The following CTSH variants were observed in gnomAD, a reference collection of about 807,000 sequenced individuals.
The protein encoded by CTSH is cathepsin H.
In CTSH, 52 loss-of-function variants were observed where a neutral mutation model predicts 56.3. The ratio of observed to expected loss-of-function variants is 0.92; its 90% confidence interval spans 0.74 to 1.16. The LOEUF (loss-of-function observed/expected upper bound fraction) is 1.16, where lower values mean the gene tolerates loss of function less well. CTSH is among the 50% of genes most tolerant of loss of function. The pLI is 0.00. For synonymous variants in CTSH, 174 were observed against 155.7 expected, an observed-to-expected ratio of 1.12 and a Z score of -0.88; for missense variants, 406 against 424.5, an observed-to-expected ratio of 0.96 and a Z score of 0.38.
At chr15:78,943,796 G>A (rs901102167) in intron 1 of CTSH, among the ~76,000 whole-genome samples, 12 of 152,354 alleles carry the variant, frequency 7.9e-5, no homozygotes, top group African/African-American at 2.6e-4. Flanking sequence ...CACAGAAAAA[G>A]TTTGCCAAGC....
At chr15:78,943,544 T>C (rs1216142875) in intron 1 of CTSH, among the ~76,000 whole-genome samples, 1 of 152,226 alleles carries the variant, frequency 6.6e-6, no homozygotes, top group Non-Finnish European at 1.5e-5. Flanking sequence ...ACTCCTGTTT[T>C]AGTACAGCTC....
Position 78,941,977 on chromosome 15 carries a change from G to A in CTSH, c.92-2806C>T, listed in dbSNP as rs139908745. Among the ~76,000 whole-genome samples the A allele has an allele frequency of 2.8e-3, 420 of 152,116 alleles. 1 individual carries two copies. The highest frequency in any genetic ancestry group is 5.2e-3 in the Non-Finnish European group (353 of 68,000). On this transcript the variant is annotated intron_variant, in intron 1 of 11. Transcript: ENST00000220166. Reference sequence around the variant, plus strand: ...AACAGTACTCTACTGCCCATCCCCCGCAATGGATTTATATTTTCATGAGTG... The same window carrying A: ...AACAGTACTCTACTGCCCATCCCCCACAATGGATTTATATTTTCATGAGTG...
intron 5 of CTSH, among the ~76,000 whole-genome samples, chr15:78,932,766 A>G (rs1356844702): frequency 6.6e-6 from 1 of 151,048 alleles, no homozygotes. Flanking sequence ...CCCAATCACC[A>G]CCTCTTGGTG....
chr15:78,922,290 G>T, intron 11 of CTSH, 85 bp from the exon 12 acceptor site: 1 of 1,074,566 alleles, frequency 9.3e-7, no homozygotes, highest in Non-Finnish European at 1.4e-6. Context: ...ACCAAGAGCT[G>T]ACTTCAGGGG....
intron 7 of CTSH, among the ~76,000 whole-genome samples, chr15:78,930,537 AAAATAAATAAATAAATAAAT>A (rs145707544): frequency 6.8e-6 from 1 of 147,484 alleles, no homozygotes; most frequent in Non-Finnish European, 1.5e-5. Context: ...AAAAAAAGAA[AAAATAAATAAATAAATAAAT>A]AAATAAATAA....
At chr15:78,937,071 G>A in intron 3 of CTSH, 2 of 478,068 alleles carry the variant, frequency 4.2e-6, no homozygotes, top group Non-Finnish European at 7.5e-6. Context: ...TGGCAGGAAT[G>A]GGGCAGGGGC....
chr15:78,931,383 A>G, intron 7 of CTSH, 68 bp downstream of exon 7: 1 of 1,599,768 alleles, frequency 6.3e-7, no homozygotes, highest in Non-Finnish European at 8.6e-7. Context: ...CCCAGCACAC[A>G]CTGGATCCTG....
intron 10 of CTSH, 104 bp from the exon 11 acceptor site, chr15:78,923,222 A>C: frequency 7.6e-7 from 1 of 1,308,282 alleles, no homozygotes; most frequent in Non-Finnish European, 1.1e-6. Context: ...AATGTTCCCC[A>C]CAGCGGACCA....
chr15:78,933,876 T>C (rs1385420875), intron 5 of CTSH, among the ~76,000 whole-genome samples: 1 of 152,166 alleles, frequency 6.6e-6, no homozygotes, highest in African/African-American at 2.4e-5. Flanking sequence ...ACGGCACACA[T>C]CTGCGTCAGG....
At position 78,935,682 on chromosome 15, in the gene CTSH, G is replaced by A. The variant is rs1450639641; in HGVS notation, c.298C>T (p.Gln100Ter). 1.2e-6 allele frequency: 2 copies of A among 1,609,170 alleles called. No homozygotes were observed. Among genetic ancestry groups the A allele is most frequent in the Admixed American group, 3.3e-5 (2 of 59,914 alleles). ...IKHKYLWSEP[Q>*]NCSATKSNYL... The stretch of plus-strand genomic sequence containing the variant: ...TGGTTGCAATGAATTATACCTACCT[G>A]AGGCTCTGACCAGAGATACTTGTGT... Residue 100 changes from glutamine (Q) to a stop codon, truncating the protein, a stop_gained and splice_region_variant, in exon 4 of 12, where the codon CAG becomes TAG. Transcript: ENST00000220166. LOFTEE classifies it high-confidence loss of function.
chr15:78,937,481 A>G, intron 2 of CTSH, 58 bp from the exon 3 acceptor site: 2 of 1,496,110 alleles, frequency 1.3e-6, no homozygotes, highest in Non-Finnish European at 9.2e-7. Flanking sequence ...CCCTAGAGGG[A>G]GACCTTTTTG....
chr15:78,937,140 A>G, intron 3 of CTSH, 178 bp downstream of exon 3: 1 of 602,208 alleles, frequency 1.7e-6, no homozygotes, highest in Non-Finnish European at 2.9e-6. Flanking sequence ...CTTTGTCCCA[A>G]ATTTACGATC....
chr15:78,925,449 A>G lies in CTSH; in HGVS notation c.700-9T>C. 2 of 1,591,758 alleles carry G rather than the reference A, an allele frequency of 1.3e-6. No individual in the cohort carries two copies. Among genetic ancestry groups the G allele is most frequent in the African/African-American group, 1.3e-5 (1 of 74,608 alleles). ...ATCGCTTCCTCGTCATACTGTGGAA[A>G]CAGGACCGAGACAGAAACACATGGC... On this transcript the variant is annotated splice_polypyrimidine_tract_variant and intron_variant, in intron 9 of 11. Coordinates refer to ENST00000220166, the MANE Select transcript of CTSH (RefSeq NM_004390.5).
At chr15:78,925,045 C>G (rs1596269427) in intron 10 of CTSH, among the ~76,000 whole-genome samples, 1 of 152,104 alleles carries the variant, frequency 6.6e-6, no homozygotes, top group Non-Finnish European at 1.5e-5. Flanking sequence ...TTAAGGAGCA[C>G]AAAGCTCTCA....
At chr15:78,931,704 G>A (rs909674747) in intron 6 of CTSH, 198 bp from the exon 7 acceptor site, 11 of 1,452,814 alleles carry the variant, frequency 7.6e-6, no homozygotes, top group African/African-American at 1.4e-5. Flanking sequence ...GGCACATGTC[G>A]GGAGGGGCTC....
At position 78,927,756 on chromosome 15, in the gene CTSH, C is replaced by A. The variant is rs780861241; in HGVS notation, c.656G>T (p.Gly219Val). Residue 219 changes from glycine (G) to valine (V), a missense_variant, in exon 9 of 12, where the codon GGA becomes GTA. Coordinates refer to ENST00000220166, the MANE Select transcript of CTSH (RefSeq NM_004390.5). ...GKDGYCKFQP[G>V]KAIGFVKDVA... Reference sequence around the variant, plus strand: ...ATCCTTGACAAAGCCGATGGCCTTTCCAGGTTGGAACTTGCAATAACCATC... The same window carrying A: ...ATCCTTGACAAAGCCGATGGCCTTTACAGGTTGGAACTTGCAATAACCATC... The A allele has an allele frequency of 6.2e-7, 1 of 1,614,190 alleles. No individual in the cohort carries two copies. The highest frequency in any genetic ancestry group is 1.1e-5 in the South Asian group (1 of 91,084).
intron 1 of CTSH, among the ~76,000 whole-genome samples, chr15:78,941,652 C>T (rs577876829): frequency 3.3e-5 from 5 of 151,852 alleles, no homozygotes; most frequent in Admixed American, 6.6e-5. Context: ...ACAAATTAGC[C>T]GGGCGTGGTG....
intron 1 of CTSH, among the ~76,000 whole-genome samples, chr15:78,943,388 C>A (rs2055333291): frequency 6.6e-6 from 1 of 152,100 alleles, no homozygotes; most frequent in African/African-American, 2.4e-5. Context: ...GGCTACCACA[C>A]CCAGCTAATT....
At chr15:78,924,569 T>C (rs2054860025) in intron 10 of CTSH, among the ~76,000 whole-genome samples, 1 of 152,034 alleles carries the variant, frequency 6.6e-6, no homozygotes, top group African/African-American at 2.4e-5. Flanking sequence ...AACCCCATAG[T>C]AAAGAGGCTA....
Sources: gnomAD v4.1 joint callset for allele counts (sites outside exome capture counted in the v4.1 genomes callset) on GRCh38, gnomAD v4.1.1 for gene constraint, MANE v1.5 for transcripts, NCBI Gene and HGNC (gene_info 2026-07-23, HGNC 2026-07-21) for gene names.